Variants in SLC25A40 observed in about 807,000 individuals in gnomAD.
SLC25A40 encodes solute carrier family 25 member 40, also known as mitochondrial glutathione transporter SLC25A40.
In SLC25A40, 41 loss-of-function variants were observed where a neutral mutation model predicts 46.5. That is an observed-to-expected ratio of 0.88 (90% CI 0.69 to 1.14). The LOEUF (loss-of-function observed/expected upper bound fraction) is 1.14, where lower values mean the gene tolerates loss of function less well. Among genes scored for constraint, SLC25A40 ranks in the 50% most tolerant of loss-of-function variants. The pLI is 0.00. For missense variants in SLC25A40, 386 were observed against 393.6 expected, an observed-to-expected ratio of 0.98 and a Z score of 0.16; for synonymous variants, 126 against 127.5, an observed-to-expected ratio of 0.99 and a Z score of 0.08.
At position 87,834,146 on chromosome 7, in the gene SLC25A40, C is replaced by T. The variant is rs1194051679; in HGVS notation, c.*2103G>A. ...GCAAATATTGCAATTCCTGCAACAT[C>T]ATATGTATTGAAAAGTCTGGAAAGC... On this transcript the variant is annotated 3_prime_UTR_variant, in exon 12 of 12. Transcript: ENST00000341119. 1.3e-5 allele frequency: 2 copies of T among 151,798 alleles called. No individual in the cohort carries two copies. The highest frequency in any genetic ancestry group is 4.8e-5 in the African/African-American group (2 of 41,374). The allele number at this position is 151,798 out of a possible 1,614,324, so 9.4% of individuals were successfully genotyped here. A position where few individuals can be genotyped will look rare whatever the true frequency, so the allele number is the denominator to read the frequency against.
Position 87,834,722 on chromosome 7 carries a change from A to G in SLC25A40, c.*1527T>C, listed in dbSNP as rs1320158688. 6.6e-6 allele frequency: 1 copy of G among 151,744 alleles called. No homozygotes were observed. Among genetic ancestry groups the G allele is most frequent in the African/African-American group, 2.4e-5 (1 of 41,402 alleles). 9.4% of individuals were successfully genotyped at this position (151,744 alleles called of 1,614,324 possible). On this transcript the variant is annotated 3_prime_UTR_variant, in exon 12 of 12. Transcript: ENST00000341119. ...ATTGTTAAAGAGCACTGTTCAAGAT[A>G]AACTTTCATGTATATCACAGTATAG...
chr7:87,848,836 T>C (rs1838462061), intron 6 of SLC25A40, among the ~76,000 whole-genome samples: 1 of 152,216 alleles, frequency 6.6e-6, no homozygotes, highest in African/African-American at 2.4e-5. Flanking sequence ...TAATGTTATA[T>C]GGTGGACTTT....
chr7:87,855,198 T>A (rs1478273298), intron 4 of SLC25A40, among the ~76,000 whole-genome samples: 1 of 151,634 alleles, frequency 6.6e-6, no homozygotes, highest in African/African-American at 2.4e-5. Context: ...AAATAACTTC[T>A]TTTAAGTTAT....
chr7:87,843,881 G>T lies in SLC25A40; in HGVS notation c.632-18C>A, dbSNP rs1377109198. The stretch of plus-strand genomic sequence containing the variant: ...GTACATTGCTATAAAAACAGAGAAT[G>T]AAATGAACACATATTTAGAAATAAA... On this transcript the variant is annotated intron_variant, in intron 8 of 11. Coordinates refer to ENST00000341119, the MANE Select transcript of SLC25A40 (RefSeq NM_018843.4). 6.5e-7 allele frequency: 1 copy of T among 1,532,170 alleles called. No individual in the cohort carries two copies. The allele number at this position is 1,532,170 out of a possible 1,614,324, so 94.9% of individuals were successfully genotyped here. A position where few individuals can be genotyped will look rare whatever the true frequency, so the allele number is the denominator to read the frequency against.
At chr7:87,875,961 G>C (rs1055778283) in intron 1 of SLC25A40, 135 bp downstream of exon 1, 1 of 152,360 alleles carries the variant, frequency 6.6e-6, no homozygotes, top group South Asian at 2.1e-4. Flanking sequence ...GCGCTGAGCA[G>C]GGGCTGCGGC....
At chr7:87,836,583 A>G in intron 11 of SLC25A40, 147 bp downstream of exon 11, 1 of 545,798 alleles carries the variant, frequency 1.8e-6, no homozygotes. Context: ...CTTTTATTTA[A>G]CATTTATTTT....
At chr7:87,861,214 C>T (rs1480618822) in intron 1 of SLC25A40, among the ~76,000 whole-genome samples, 1 of 152,012 alleles carries the variant, frequency 6.6e-6, no homozygotes, top group African/African-American at 2.4e-5. Flanking sequence ...GGGAAAAAAA[C>T]GTGGCAAGGG....
intron 7 of SLC25A40, among the ~76,000 whole-genome samples, chr7:87,847,402 T>C (rs960663172): frequency 1.3e-5 from 2 of 152,176 alleles, no homozygotes; most frequent in Admixed American, 6.5e-5. Flanking sequence ...ACCAGAACTA[T>C]GAAAACCAAA....
rs1026202609 is a variant in SLC25A40 at position 87,851,752 on chromosome 7, G to A, written c.265-1804C>T. Among the ~76,000 whole-genome samples, 19 of 152,134 alleles carry A rather than the reference G, an allele frequency of 1.2e-4. 1 individual carries two copies. Among genetic ancestry groups the A allele is most frequent in the Admixed American group, 1.0e-3 (16 of 15,274 alleles). ...TGGGTGGGGAACCTGGACTTCTAAC[G>A]CTACCCGGCAGTAACAAGATGACAT... On this transcript the variant is annotated intron_variant, in intron 5 of 11. Coordinates refer to ENST00000341119, the MANE Select transcript of SLC25A40 (RefSeq NM_018843.4).
chr7:87,860,746 A>T (rs1838683624), intron 1 of SLC25A40, 106 bp from the exon 2 acceptor site: 1 of 152,180 alleles, frequency 6.6e-6, no homozygotes, highest in East Asian at 1.9e-4. Context: ...ATCAACAAAT[A>T]CTCATTAAAT....
At chr7:87,843,245 G>A (rs1340459285) in intron 9 of SLC25A40, among the ~76,000 whole-genome samples, 2 of 151,956 alleles carry the variant, frequency 1.3e-5, no homozygotes, top group Non-Finnish European at 2.9e-5. Flanking sequence ...TCTACAGGAA[G>A]GTGTGGAAAA....
At chr7:87,847,556 C>T (rs984413077) in intron 7 of SLC25A40, among the ~76,000 whole-genome samples, 2 of 152,034 alleles carry the variant, frequency 1.3e-5, no homozygotes, top group Admixed American at 6.6e-5. Flanking sequence ...GCCTGAATCA[C>T]GCATGATCCC....
rs1021809025 is a variant in SLC25A40, at chr7:87,839,356, G to A, written c.823+2277C>T. Among the ~76,000 whole-genome samples the A allele has an allele frequency of 4.8e-5, 7 of 144,604 alleles. No individual in the cohort carries two copies. In the East Asian group the frequency reaches 6.1e-4, roughly 13 times the overall value. The allele number at this position is 144,604 out of a possible 152,430, so 94.9% of individuals were successfully genotyped here. On this transcript the variant is annotated intron_variant, in intron 10 of 11. Coordinates refer to ENST00000341119, the MANE Select transcript of SLC25A40 (RefSeq NM_018843.4). The stretch of plus-strand genomic sequence containing the variant: ...TATTGCCTTAAATATTAAAACCAAC[G>A]TACTATTTATTAAATCTATTAAATA...
intron 9 of SLC25A40, among the ~76,000 whole-genome samples, chr7:87,842,705 C>T (rs987029631): frequency 8.5e-4 from 129 of 152,110 alleles, no homozygotes; most frequent in African/African-American, 2.9e-3. Context: ...AGCCTGGACA[C>T]TTACATTCAG....
At position 87,841,628 on chromosome 7, in the gene SLC25A40, C is replaced by T; in HGVS notation, c.823+5G>A. 6.8e-7 allele frequency: 1 copy of T among 1,460,352 alleles called. No individual in the cohort carries two copies. 90.5% of individuals were successfully genotyped at this position (1,460,352 alleles called of 1,614,324 possible). On this transcript the variant is annotated splice_donor_5th_base_variant and intron_variant, in intron 10 of 11. Coordinates refer to ENST00000341119, the MANE Select transcript of SLC25A40 (RefSeq NM_018843.4). ...TTAAAAATATTTTAAATTAATTAAA[C>T]TTACTTTTATGACTTTCATATGTCC...
rs1166612602 is a variant in SLC25A40 at position 87,834,858 on chromosome 7, G to A, written c.*1391C>T. 4.0e-5 allele frequency: 6 copies of A among 151,520 alleles called. No individual in the cohort carries two copies. The highest frequency in any genetic ancestry group is 7.4e-5 in the Non-Finnish European group (5 of 67,656). The allele number at this position is 151,520 out of a possible 1,614,324, so 9.4% of individuals were successfully genotyped here. On this transcript the variant is annotated 3_prime_UTR_variant, in exon 12 of 12. Transcript: ENST00000341119. ...AAGTCATGAATATTTATGTGGATAT[G>A]TATGTTGCAAATTTAAGGTAAATCA...
At chr7:87,875,588 A>T (rs1838986344) in intron 1 of SLC25A40, among the ~76,000 whole-genome samples, 1 of 152,120 alleles carries the variant, frequency 6.6e-6, no homozygotes, top group South Asian at 2.1e-4. Flanking sequence ...AACTTATAAA[A>T]TTAAAATATA....
chr7:87,849,827 T>C (rs1394149919), intron 6 of SLC25A40, 54 bp downstream of exon 6: 7 of 1,255,138 alleles, frequency 5.6e-6, no homozygotes, highest in South Asian at 2.8e-5. Context: ...ATGCTGATTA[T>C]AGGATAAAAT....
chr7:87,838,155 C>T (rs1317322880), intron 10 of SLC25A40, among the ~76,000 whole-genome samples: 2 of 151,334 alleles, frequency 1.3e-5, no homozygotes, highest in Non-Finnish European at 3.0e-5. Context: ...TACAGCAGCT[C>T]AACACTGATT....
Sources: gnomAD v4.1 joint callset for allele counts (sites outside exome capture counted in the v4.1 genomes callset) on GRCh38, gnomAD v4.1.1 for gene constraint, MANE v1.5 for transcripts, NCBI Gene and HGNC (gene_info 2026-07-23, HGNC 2026-07-21) for gene names.